The following SORBS2 variants were observed in gnomAD, a reference collection of about 807,000 sequenced individuals.
The protein encoded by SORBS2 is sorbin and SH3 domain containing 2, also known as sorbin and SH3 domain-containing protein 2.
Under a neutral mutation model 97.7 loss-of-function variants are expected in SORBS2, and 46 were observed. That is an observed-to-expected ratio of 0.47 (90% CI 0.37 to 0.60). The LOEUF is 0.60. Among genes scored for constraint, SORBS2 ranks in the 20% least tolerant of loss-of-function variants. SORBS2 has a pLI of 0.00. For missense variants in SORBS2, 1,316 were observed against 1,282.3 expected (o/e 1.03, Z -0.40); for synonymous variants, 476 against 473.4 (o/e 1.01, Z -0.07).
chr4:185,712,695 C>T (rs560383395), intron 2 of SORBS2, among the ~76,000 whole-genome samples: 11 of 152,336 alleles, frequency 7.2e-5, no homozygotes, highest in African/African-American at 2.4e-4. Context: ...GCATGGAGTT[C>T]GCTCCTGCCA....
intron 1 of SORBS2, among the ~76,000 whole-genome samples, chr4:185,823,060 A>T (rs553157694): frequency 5.9e-5 from 9 of 152,316 alleles, no homozygotes; most frequent in African/African-American, 2.2e-4. Flanking sequence ...TATCTTATGT[A>T]AAGTGCCGTT....
chr4:185,787,553 C>T (rs577000132), intron 1 of SORBS2, among the ~76,000 whole-genome samples: 47 of 152,230 alleles, frequency 3.1e-4, no homozygotes, highest in Non-Finnish European at 5.9e-4. Context: ...GATTGAATGA[C>T]TTTGACCTAT....
At chr4:185,750,010 A>G (rs577267662) in intron 2 of SORBS2, among the ~76,000 whole-genome samples, 70 of 152,346 alleles carry the variant, frequency 4.6e-4, no homozygotes, top group Non-Finnish European at 7.2e-4. Context: ...AACTGTTCAA[A>G]TGTCCCCACT....
chr4:185,897,604 G>A (rs150528974), intron 1 of SORBS2, among the ~76,000 whole-genome samples: 3,309 of 152,276 alleles, frequency 0.022, 37 homozygotes, highest in South Asian at 0.044. Flanking sequence ...GAGGGTGAAG[G>A]GAAAATTTCT....
At chr4:185,928,177 G>T (rs2099264650) in intron 1 of SORBS2, among the ~76,000 whole-genome samples, 2 of 152,130 alleles carry the variant, frequency 1.3e-5, no homozygotes, top group Non-Finnish European at 2.9e-5. Flanking sequence ...GGACCAAAGT[G>T]GAAGGATTCC....
At chr4:185,625,070 A>G (rs1036964222) in intron 6 of SORBS2, among the ~76,000 whole-genome samples, 1 of 152,248 alleles carries the variant, frequency 6.6e-6, no homozygotes, top group Non-Finnish European at 1.5e-5. Context: ...CCAAAATTGC[A>G]AAATCAAAAT....
At chr4:185,718,848 TA>T (rs911624304) in intron 2 of SORBS2, among the ~76,000 whole-genome samples, 7 of 152,012 alleles carry the variant, frequency 4.6e-5, no homozygotes, top group African/African-American at 1.2e-4. Context: ...TCTCCACCTT[TA>T]AAAAAAATAA....
chr4:185,748,269 G>A (rs531537765), intron 2 of SORBS2, among the ~76,000 whole-genome samples: 31 of 152,290 alleles, frequency 2.0e-4, no homozygotes, highest in Middle Eastern at 3.4e-3. Context: ...GGGCCTCGGC[G>A]TGCGAGGAGT....
intron 1 of SORBS2, among the ~76,000 whole-genome samples, chr4:185,776,945 G>T (rs1381810702): frequency 1.3e-5 from 2 of 150,674 alleles, no homozygotes; most frequent in African/African-American, 2.4e-5. Context: ...TAATTAATGT[G>T]AGGGTTGGTT....
chr4:185,822,188 C>T (rs1281391989), intron 1 of SORBS2, among the ~76,000 whole-genome samples: 2 of 152,206 alleles, frequency 1.3e-5, no homozygotes, highest in Non-Finnish European at 2.9e-5. Context: ...GTATTCAGCT[C>T]TTCTGAATGA....
At chr4:185,873,837 A>ATTTATT (rs1206869683) in intron 1 of SORBS2, among the ~76,000 whole-genome samples, 2 of 152,240 alleles carry the variant, frequency 1.3e-5, no homozygotes, top group Non-Finnish European at 2.9e-5. Flanking sequence ...ATAAAAATAT[A>ATTTATT]ACATGAACAT....
Position 185,615,176 on chromosome 4 carries a change from G to A in SORBS2, c.2352-17C>T. 6.9e-7 allele frequency: 1 copy of A among 1,441,456 alleles called. No individual in the cohort carries two copies. The allele number at this position is 1,441,456 out of a possible 1,614,324, so 89.3% of individuals were successfully genotyped here. On this transcript the variant is annotated splice_polypyrimidine_tract_variant and intron_variant, in intron 9 of 14. Coordinates refer to ENST00000418609, the Ensembl canonical transcript of SORBS2. The stretch of plus-strand genomic sequence containing the variant: ...GACAACTCCCTGGAAGAGACACGTT[G>A]ACATGGTCTTTTTGTGATGTACAGC...
At chr4:185,766,521 TTTTGTAATTCACAAA>T (rs2098935034) in intron 2 of SORBS2, among the ~76,000 whole-genome samples, 1 of 8,916 alleles carries the variant, frequency 1.1e-4, no homozygotes, top group Non-Finnish European at 2.5e-4. Flanking sequence ...ATTCACATAT[TTTTGTAATTCACAAA>T]AAATATACCC....
At chr4:185,759,905 A>G (rs2153608577) in intron 2 of SORBS2, among the ~76,000 whole-genome samples, 1 of 152,330 alleles carries the variant, frequency 6.6e-6, no homozygotes, top group South Asian at 2.1e-4. Flanking sequence ...ATCTAAGCCA[A>G]CGTTAGCAAT....
Position 185,594,003 on chromosome 4 carries a change from A to G in SORBS2, c.2797-68T>C. Reference sequence around the variant, plus strand: ...TACTAATTAAAAGATAATTTGGATAATGGCATGGTACTTTTCTTGACATTT... The same window carrying G: ...TACTAATTAAAAGATAATTTGGATAGTGGCATGGTACTTTTCTTGACATTT... On this transcript the variant is annotated intron_variant, in intron 12 of 14. Transcript: ENST00000418609. 7 of 1,035,654 alleles carry G rather than the reference A, an allele frequency of 6.8e-6. No individual in the cohort carries two copies. In the South Asian group the frequency reaches 9.3e-5, roughly 14 times the overall value. 64.2% of individuals were successfully genotyped at this position (1,035,654 alleles called of 1,614,324 possible). A position where few individuals can be genotyped will look rare whatever the true frequency, so the allele number is the denominator to read the frequency against.
intron 4 of SORBS2, among the ~76,000 whole-genome samples, chr4:185,635,098 A>T (rs567439972): frequency 1.8e-4 from 27 of 152,342 alleles, no homozygotes; most frequent in African/African-American, 6.5e-4. Flanking sequence ...ACGCTGCTGA[A>T]TACCAGAACT....
In SORBS2 at chr4:185,890,753, C is replaced by T. The variant is rs115757750; in HGVS notation, c.-338+65443G>A. On this transcript the variant is annotated intron_variant, in intron 1 of 20. Coordinates refer to the SORBS2 transcript ENST00000284776. ...CAGGAGCATGGGGACACCCTCCTTTCATCTTGGTGTCCTCTTCAACATCCT... is the reference window on the plus strand; with the variant it reads ...CAGGAGCATGGGGACACCCTCCTTTTATCTTGGTGTCCTCTTCAACATCCT... 1.3e-3 allele frequency among the ~76,000 whole-genome samples: 196 copies of T among 152,344 alleles called. 2 individuals carry two copies. The highest frequency in any genetic ancestry group is 4.4e-3 in the African/African-American group (182 of 41,578).
At chr4:185,586,367 GCT>G (rs1453721910) in exon 15 of SORBS2, 1 of 152,568 alleles carries the variant, frequency 6.6e-6, no homozygotes, top group Non-Finnish European at 1.5e-5. Context: ...ATTTAACATT[GCT>G]TCTAAAAAGT....
chr4:185,779,176 G>T (rs2099015139), intron 1 of SORBS2, among the ~76,000 whole-genome samples: 1 of 104,952 alleles, frequency 9.5e-6, no homozygotes. Context: ...ACTTTTAAAA[G>T]TGCATAATAC....
Sources: gnomAD v4.1 joint callset for allele counts (sites outside exome capture counted in the v4.1 genomes callset) on GRCh38, gnomAD v4.1.1 for gene constraint, MANE v1.5 for transcripts, NCBI Gene and HGNC (gene_info 2026-07-23, HGNC 2026-07-21) for gene names.